The following SGMS1 variants were observed in gnomAD, a reference collection of about 807,000 sequenced individuals.
SGMS1 encodes the protein sphingomyelin synthase 1.
Under a neutral mutation model 46.2 loss-of-function variants are expected in SGMS1, and 13 were observed. The observed-to-expected ratio is 0.28, with a 90% CI of 0.18 to 0.45. The LOEUF (loss-of-function observed/expected upper bound fraction) is 0.45. Ranked by LOEUF, SGMS1 falls within the 20% of genes least tolerant of loss-of-function variation. The pLI is 1.00. For synonymous variants in SGMS1, 203 were observed against 187.8 expected (o/e 1.08, Z -0.66); for missense variants, 324 against 519.9 (o/e 0.62, Z 3.66).
At chr10:50,411,519 C>A (rs1380519596) in intron 6 of SGMS1, among the ~76,000 whole-genome samples, 1 of 145,428 alleles carries the variant, frequency 6.9e-6, no homozygotes, top group East Asian at 2.0e-4. Flanking sequence ...AGCTTTCAAA[C>A]ATTTTCAGCA....
rs554254053 is a variant in SGMS1 at position 50,587,717 on chromosome 10, G to C, written c.-589+2436C>G. On this transcript the variant is annotated intron_variant, in intron 2 of 10. Coordinates refer to ENST00000361781, the MANE Select transcript of SGMS1 (RefSeq NM_147156.4). ...AAGTCAGTAAGGCTTCCAGTCAACAGTAGGCTATTACTAGTTACATTTTCA... is the reference window on the plus strand; with the variant it reads ...AAGTCAGTAAGGCTTCCAGTCAACACTAGGCTATTACTAGTTACATTTTCA... Among the ~76,000 whole-genome samples the C allele has an allele frequency of 8.7e-5, 13 of 149,390 alleles. No homozygotes were observed. The South Asian group carries it at 2.8e-3, about 32-fold the overall frequency.
intron 3 of SGMS1, among the ~76,000 whole-genome samples, chr10:50,484,590 CA>C (rs140793423): frequency 6.6e-6 from 1 of 151,860 alleles, no homozygotes; most frequent in African/African-American, 2.4e-5. Context: ...AGAGAAAATA[CA>C]AAAAAAGAAA....
intron 3 of SGMS1, 138 bp from the exon 4 acceptor site, chr10:50,467,070 A>G (rs1427432664): frequency 6.6e-6 from 1 of 152,028 alleles, no homozygotes; most frequent in Non-Finnish European, 1.5e-5. Context: ...TATTTCACCA[A>G]TTCCCAACTA....
intron 2 of SGMS1, among the ~76,000 whole-genome samples, chr10:50,568,234 G>A (rs1259676790): frequency 6.6e-6 from 1 of 152,114 alleles, no homozygotes; most frequent in Non-Finnish European, 1.5e-5. Context: ...GTAAAAGAAG[G>A]AAGATAAATT....
At chr10:50,604,705 A>G (rs1588890262) in intron 1 of SGMS1, among the ~76,000 whole-genome samples, 2 of 152,298 alleles carry the variant, frequency 1.3e-5, no homozygotes, top group Admixed American at 1.3e-4. Context: ...TCCAGAGGTC[A>G]CCTATTTAAA....
intron 5 of SGMS1, among the ~76,000 whole-genome samples, chr10:50,436,343 A>T (rs1426105593): frequency 6.6e-6 from 1 of 151,978 alleles, no homozygotes; most frequent in Non-Finnish European, 1.5e-5. Flanking sequence ...TCCTGACCTC[A>T]TGATCTGCCC....
At chr10:50,566,567 T>C (rs1285146623) in intron 2 of SGMS1, among the ~76,000 whole-genome samples, 1 of 152,246 alleles carries the variant, frequency 6.6e-6, no homozygotes, top group Non-Finnish European at 1.5e-5. Flanking sequence ...ATGCAAACAC[T>C]ATGGTATGCA....
chr10:50,311,264 T>C lies in SGMS1; in HGVS notation c.893A>G (p.Glu298Gly). 1 of 1,613,116 alleles carries C rather than the reference T, an allele frequency of 6.2e-7. No individual in the cohort carries two copies. Among genetic ancestry groups the C allele is most frequent in the Non-Finnish European group, 8.5e-7 (1 of 1,179,526 alleles). ...MLTLTYLFIKEYSPRRLWWYH... is the reference protein window; with the variant it reads ...MLTLTYLFIKGYSPRRLWWYH... ...CAATGGAAGTCTTTTAGACTTACAC[T>C]CTTTGATAAATAAGTAGGTAAGTGT... The change falls in exon 9 of 11, where the codon GAG becomes GGG. Residue 298 changes from glutamate to glycine, a missense_variant and splice_region_variant. Coordinates refer to ENST00000361781, the MANE Select transcript of SGMS1 (RefSeq NM_147156.4).
intron 3 of SGMS1, among the ~76,000 whole-genome samples, chr10:50,471,787 T>A (rs1314678304): frequency 3.9e-5 from 6 of 152,214 alleles, no homozygotes; most frequent in Non-Finnish European, 1.5e-5. Flanking sequence ...AGTAATGCCC[T>A]GCCTCCAGTA....
chr10:50,357,498 C>T (rs1042022718), intron 6 of SGMS1, among the ~76,000 whole-genome samples: 1 of 152,026 alleles, frequency 6.6e-6, no homozygotes, highest in Non-Finnish European at 1.5e-5. Context: ...ATCAGAATAC[C>T]ACAAAATACT....
At chr10:50,508,600 A>T (rs1837726795) in intron 3 of SGMS1, among the ~76,000 whole-genome samples, 1 of 152,168 alleles carries the variant, frequency 6.6e-6, no homozygotes, top group South Asian at 2.1e-4. Flanking sequence ...TCTTTAAGTA[A>T]AGGATCTCCA....
At chr10:50,534,578 A>G (rs1160757033) in intron 2 of SGMS1, among the ~76,000 whole-genome samples, 1 of 152,202 alleles carries the variant, frequency 6.6e-6, no homozygotes, top group African/African-American at 2.4e-5. Context: ...ATGAGGATAA[A>G]ATTTGTATTA....
chr10:50,534,642 G>A (rs919694277), intron 2 of SGMS1, among the ~76,000 whole-genome samples: 8 of 152,174 alleles, frequency 5.3e-5, no homozygotes, highest in Non-Finnish European at 1.2e-4. Context: ...ACAGGGAAGC[G>A]ATTTACAAAA....
chr10:50,606,571 A>T (rs1838696150), intron 1 of SGMS1, among the ~76,000 whole-genome samples: 1 of 152,260 alleles, frequency 6.6e-6, no homozygotes, highest in Non-Finnish European at 1.5e-5. Context: ...AATACAACAT[A>T]TATTTCTATG....
chr10:50,382,872 G>C lies in SGMS1; in HGVS notation c.-231-38527C>G, dbSNP rs990846568. Among the ~76,000 whole-genome samples the C allele has an allele frequency of 5.3e-4, 80 of 152,246 alleles. 1 individual carries two copies. Among genetic ancestry groups the C allele is most frequent in the Admixed American group, 3.7e-3 (56 of 15,288 alleles). ...ATTATTAAAAATAGCACCACACTAT[G>C]CTAGCTGATCCAATGTCTTGGCAAA... is the stretch of plus-strand genomic sequence containing the variant. On this transcript the variant is annotated intron_variant, in intron 6 of 10. Transcript: ENST00000361781.
At chr10:50,432,323 C>T (rs944067748) in intron 6 of SGMS1, among the ~76,000 whole-genome samples, 1 of 152,122 alleles carries the variant, frequency 6.6e-6, no homozygotes, top group Non-Finnish European at 1.5e-5. Flanking sequence ...TCATCACTTC[C>T]TATTATTTTA....
chr10:50,615,588 C>T (rs575391997), intron 1 of SGMS1, among the ~76,000 whole-genome samples: 1 of 152,206 alleles, frequency 6.6e-6, no homozygotes, highest in Non-Finnish European at 1.5e-5. Flanking sequence ...TACTATAAGA[C>T]AGAGAGCTAT....
At chr10:50,323,690 C>A (rs1346614455) in intron 8 of SGMS1, among the ~76,000 whole-genome samples, 1 of 152,194 alleles carries the variant, frequency 6.6e-6, no homozygotes, top group Non-Finnish European at 1.5e-5. Context: ...CATTAACTCT[C>A]ATTTCCTCTA....
intron 2 of SGMS1, among the ~76,000 whole-genome samples, chr10:50,520,499 C>G (rs971109240): frequency 1.3e-5 from 2 of 152,122 alleles, no homozygotes; most frequent in African/African-American, 4.8e-5. Flanking sequence ...ATCTTGAGAA[C>G]AGACTAGCAC....
Sources: gnomAD v4.1 joint callset for allele counts (sites outside exome capture counted in the v4.1 genomes callset) on GRCh38, gnomAD v4.1.1 for gene constraint, MANE v1.5 for transcripts, NCBI Gene and HGNC (gene_info 2026-07-23, HGNC 2026-07-21) for gene names.